AGBL1: variants seen among roughly 807,000 people sequenced by gnomAD.
AGBL1 encodes the protein cytosolic carboxypeptidase 4.
Under a neutral mutation model 118.9 loss-of-function variants are expected in AGBL1, and 130 were observed. The ratio of observed to expected loss-of-function variants is 1.09; its 90% CI spans 0.95 to 1.26. The LOEUF is 1.26. AGBL1 is among the 50% of genes most tolerant of loss of function. The pLI is 0.00. For synonymous variants in AGBL1, 555 were observed against 478.9 expected (o/e 1.16, Z -2.08); for missense variants, 1,584 against 1,298.1 (o/e 1.22, Z -3.38).
chr15:86,746,188 C>A (rs1261145624), intron 22 of AGBL1, among the ~76,000 whole-genome samples: 1 of 152,222 alleles, frequency 6.6e-6, no homozygotes, highest in African/African-American at 2.4e-5. Flanking sequence ...CTCTTATTGA[C>A]AAGATGAAGT....
chr15:86,900,583 T>C (rs920998561), intron 22 of AGBL1, among the ~76,000 whole-genome samples: 1 of 152,192 alleles, frequency 6.6e-6, no homozygotes, highest in African/African-American at 2.4e-5. Context: ...ATTGATTTTT[T>C]TGGACTTTTA....
At chr15:86,776,976 A>G (rs530553990) in intron 22 of AGBL1, among the ~76,000 whole-genome samples, 24 of 152,130 alleles carry the variant, frequency 1.6e-4, no homozygotes, top group African/African-American at 4.3e-4. Flanking sequence ...ACCAAACACA[A>G]TAAGGTTTTT....
intron 17 of AGBL1, among the ~76,000 whole-genome samples, chr15:86,384,009 T>TG (rs774843017): frequency 4.9e-4 from 74 of 152,186 alleles, no homozygotes; most frequent in Non-Finnish European, 2.1e-4. Context: ...TGTAATAAAG[T>TG]ATAACAGGGT....
intron 21 of AGBL1, among the ~76,000 whole-genome samples, chr15:86,591,023 T>A (rs1042720741): frequency 2.0e-5 from 3 of 152,212 alleles, no homozygotes; most frequent in African/African-American, 7.2e-5. Context: ...TTGTCCTGAA[T>A]CCAGTCTGAG....
intron 22 of AGBL1, among the ~76,000 whole-genome samples, chr15:86,734,098 A>T (rs1195237917): frequency 6.6e-6 from 1 of 152,080 alleles, no homozygotes; most frequent in African/African-American, 2.4e-5. Flanking sequence ...GGCAGTTTGC[A>T]TATGTTTTCT....
intron 21 of AGBL1, among the ~76,000 whole-genome samples, chr15:86,623,585 CTTTAT>C (rs1457754125): frequency 6.6e-6 from 1 of 152,284 alleles, no homozygotes; most frequent in African/African-American, 2.4e-5. Flanking sequence ...TTCTTGCTCT[CTTTAT>C]TTTATTTTTG....
intron 17 of AGBL1, among the ~76,000 whole-genome samples, chr15:86,371,537 TACAC>T (rs1304069473): frequency 1.3e-5 from 2 of 152,162 alleles, no homozygotes; most frequent in African/African-American, 2.4e-5. Flanking sequence ...ATAAATAACA[TACAC>T]ACATATACAT....
At chr15:86,665,324 G>A (rs1212832743) in intron 21 of AGBL1, among the ~76,000 whole-genome samples, 1 of 71,034 alleles carries the variant, frequency 1.4e-5, no homozygotes, top group Non-Finnish European at 2.9e-5. Context: ...TAAGGCTTTC[G>A]AAATACACTT....
At chr15:86,535,368 C>T (rs998652455) in intron 19 of AGBL1, among the ~76,000 whole-genome samples, 2 of 152,148 alleles carry the variant, frequency 1.3e-5, no homozygotes, top group Middle Eastern at 3.2e-3. Context: ...CGGGGACATC[C>T]CTGGGACTGG....
At chr15:86,147,298 G>A (rs983192052) in intron 3 of AGBL1, among the ~76,000 whole-genome samples, 1 of 152,232 alleles carries the variant, frequency 6.6e-6, no homozygotes, top group East Asian at 1.9e-4. Context: ...GCAAGCTGAA[G>A]CAGGGCAGGG....
At chr15:86,903,508 T>G (rs971890195) in intron 22 of AGBL1, among the ~76,000 whole-genome samples, 3 of 152,238 alleles carry the variant, frequency 2.0e-5, no homozygotes, top group African/African-American at 7.2e-5. Context: ...CTGTATCATC[T>G]TGCTGTTGGC....
intron 5 of AGBL1, among the ~76,000 whole-genome samples, chr15:86,164,003 A>G (rs562546953): frequency 1.3e-5 from 2 of 152,314 alleles, no homozygotes; most frequent in South Asian, 2.1e-4. Context: ...CTGGGAGAGA[A>G]CTCATTCTGA....
At chr15:86,347,774 T>G (rs2141894607) in intron 17 of AGBL1, among the ~76,000 whole-genome samples, 1 of 152,354 alleles carries the variant, frequency 6.6e-6, no homozygotes, top group African/African-American at 2.4e-5. Context: ...AATTTGAGCT[T>G]CATATCCCCA....
chr15:86,149,141 A>C (rs1167022480), intron 3 of AGBL1, among the ~76,000 whole-genome samples: 2 of 152,230 alleles, frequency 1.3e-5, no homozygotes, highest in Non-Finnish European at 2.9e-5. Context: ...TAAACATGGA[A>C]AGAAACAACC....
chr15:86,845,095 G>A (rs1441719974), intron 22 of AGBL1, among the ~76,000 whole-genome samples: 1 of 152,014 alleles, frequency 6.6e-6, no homozygotes, highest in Non-Finnish European at 1.5e-5. Context: ...TAAAATCAAA[G>A]TCCTCCAAAT....
At chr15:86,960,846 G>C (rs1018709060) in intron 23 of AGBL1, among the ~76,000 whole-genome samples, 1 of 151,978 alleles carries the variant, frequency 6.6e-6, no homozygotes, top group Non-Finnish European at 1.5e-5. Flanking sequence ...AAAAACAAAC[G>C]CTGCATAATC....
rs1567079778 is a variant in AGBL1 at position 86,139,578 on chromosome 15, G to A, written c.52-2426G>A. Reference sequence around the variant, plus strand: ...GATCGAGATCATCCTGGTTAACATGGTGGAAACTCGTCTCTTCTGAAAACA... The same window carrying A: ...GATCGAGATCATCCTGGTTAACATGATGGAAACTCGTCTCTTCTGAAAACA... On this transcript the variant is annotated intron_variant, in intron 1 of 22. Transcript: ENST00000614907. 4.0e-5 allele frequency among the ~76,000 whole-genome samples: 6 copies of A among 151,330 alleles called. No individual in the cohort carries two copies. In the South Asian group the frequency reaches 1.0e-3, roughly 26 times the overall value.
At chr15:86,817,626 T>TACAC (rs762608485) in intron 22 of AGBL1, among the ~76,000 whole-genome samples, 4 of 98,122 alleles carry the variant, frequency 4.1e-5, no homozygotes, top group African/African-American at 7.9e-5. Context: ...GAGACAGGCA[T>TACAC]ACACACACAC....
downstream of AGBL1, among the ~76,000 whole-genome samples, chr15:86,918,671 C>A (rs1191650949): frequency 6.6e-6 from 1 of 152,150 alleles, no homozygotes; most frequent in Non-Finnish European, 1.5e-5. Context: ...CATTTCCAGA[C>A]AAAAATGCTG....
Sources: gnomAD v4.1 joint callset for allele counts (sites outside exome capture counted in the v4.1 genomes callset) on GRCh38, gnomAD v4.1.1 for gene constraint, MANE v1.5 for transcripts, NCBI Gene and HGNC (gene_info 2026-07-23, HGNC 2026-07-21) for gene names.